TTC17: variants seen among roughly 807,000 people sequenced by gnomAD.
TTC17 encodes tetratricopeptide repeat domain 17, also known as tetratricopeptide repeat protein 17.
In TTC17, 58 loss-of-function variants were observed where a neutral mutation model predicts 143.8. That is an observed-to-expected ratio of 0.40 (90% CI 0.33 to 0.50). TTC17 has a LOEUF of 0.50. Ranked by LOEUF, TTC17 falls within the 20% of genes least tolerant of loss-of-function variation. The probability of loss-of-function intolerance (pLI) is 0.49; values close to 1 mark genes in which losing one functional copy is unlikely to be tolerated. For missense variants in TTC17, 1,273 were observed against 1,392.5 expected (o/e 0.91, Z 1.37); for synonymous variants, 501 against 497.8 (o/e 1.01, Z -0.09).
At chr11:43,446,103 A>G in intron 18 of TTC17, 1 of 1,455,236 alleles carries the variant, frequency 6.9e-7, no homozygotes, top group Non-Finnish European at 9.1e-7. Flanking sequence ...GTGGTGTACA[A>G]GACCCTTTAC....
In TTC17 at chr11:43,398,100, G is replaced by A; in HGVS notation, c.1045G>A (p.Glu349Lys). Residue 349 changes from glutamate (E) to lysine (K), a missense_variant, in exon 8 of 24, where the codon GAG becomes AAG. This residue lies in a region of TTC17 where 325 missense variants were observed against 444.2 expected (regional missense o/e 0.73). Coordinates refer to ENST00000039989, the MANE Select transcript of TTC17 (RefSeq NM_018259.6). ...TCAGCAAAAACTGGAGCAGAAATTG[G>A]AGGCTCAGCATAGGTAATTGAGAGG... ...LCQQKLEQKL[E>K]AQHRSLQRTL... 6.2e-7 allele frequency: 1 copy of A among 1,614,060 alleles called. No individual in the cohort carries two copies. Among genetic ancestry groups the A allele is most frequent in the Non-Finnish European group, 8.5e-7 (1 of 1,179,994 alleles).
intron 2 of TTC17, among the ~76,000 whole-genome samples, chr11:43,380,694 A>AC (rs1856934257): frequency 6.6e-6 from 1 of 152,252 alleles, no homozygotes; most frequent in African/African-American, 2.4e-5. Context: ...CTTTTAAAAA[A>AC]ATCTGTGAAT....
chr11:43,391,491 CT>C lies in TTC17; in HGVS notation c.447del (p.Pro150LeufsTer15). On this transcript the variant is annotated frameshift_variant, in exon 4 of 24. Coordinates refer to ENST00000039989, the MANE Select transcript of TTC17 (RefSeq NM_018259.6). LOFTEE classifies it high-confidence loss of function. The stretch of plus-strand genomic sequence containing the variant: ...CCTGAAGATTATATAGACACAGAAT[CT>C]CCTGTCCCTCCAGACCCAGAGCAAC... The part of the protein sequence containing the change: ...ISPEDYIDTE[S>X]PVPPDPEQPD... 1.2e-6 allele frequency: 2 copies of C among 1,606,482 alleles called. No homozygotes were observed. Among genetic ancestry groups the C allele is most frequent in the Non-Finnish European group, 1.7e-6 (2 of 1,176,476 alleles).
Position 43,492,124 on chromosome 11 carries a change from T to C in TTC17, c.3255T>C (p.Ala1085=), listed in dbSNP as rs1564988217. 5.0e-6 allele frequency: 8 copies of C among 1,614,116 alleles called. No homozygotes were observed. The highest frequency in any genetic ancestry group is 6.8e-6 in the Non-Finnish European group (8 of 1,179,988). Residue 1085 remains alanine (A), a synonymous_variant, in exon 23 of 24, where the codon GCT becomes GCC. Coordinates refer to ENST00000039989, the MANE Select transcript of TTC17 (RefSeq NM_018259.6). ...TMAVEIAPHF[A]VNHFTLGNVY... ...CAGTAGAGATCGCACCACACTTTGC[T>C]GTGAACCACTTCACTCTGGGCAATG...
At chr11:43,458,509 CAGAT>C (rs1363911272) in intron 21 of TTC17, among the ~76,000 whole-genome samples, 2 of 152,172 alleles carry the variant, frequency 1.3e-5, no homozygotes, top group Non-Finnish European at 2.9e-5. Context: ...TTCAAGGAAA[CAGAT>C]AGAACTTCAC....
intron 10 of TTC17, 81 bp from the exon 11 acceptor site, chr11:43,403,917 G>T: frequency 1.6e-6 from 2 of 1,240,362 alleles, no homozygotes; most frequent in East Asian, 2.6e-5. Context: ...ATATTCACTC[G>T]CTTTTTTGGT....
At chr11:43,400,200 AC>A in intron 9 of TTC17, 152 bp downstream of exon 9, 1 of 873,442 alleles carries the variant, frequency 1.1e-6, no homozygotes, top group Non-Finnish European at 1.7e-6. Flanking sequence ...CTGTGGGTAT[AC>A]CAGGAGGCCT....
intron 21 of TTC17, among the ~76,000 whole-genome samples, chr11:43,478,663 A>G (rs934537140): frequency 6.6e-6 from 1 of 152,160 alleles, no homozygotes; most frequent in Non-Finnish European, 1.5e-5. Flanking sequence ...GCGAGAGTGC[A>G]GTGACACAGT....
chr11:43,407,031 T>G, intron 13 of TTC17, 107 bp from the exon 14 acceptor site: 1 of 712,588 alleles, frequency 1.4e-6, no homozygotes, highest in Non-Finnish European at 2.3e-6. Context: ...TTTGTTCAAA[T>G]TAGCTGTTCC....
At chr11:43,466,861 G>C in intron 21 of TTC17, 1 of 258,286 alleles carries the variant, frequency 3.9e-6, no homozygotes, top group South Asian at 4.6e-5. Context: ...ATTGCCAACT[G>C]CAGACAACTC....
At chr11:43,402,869 A>G (rs971686382) in intron 10 of TTC17, among the ~76,000 whole-genome samples, 1 of 152,180 alleles carries the variant, frequency 6.6e-6, no homozygotes, top group African/African-American at 2.4e-5. Flanking sequence ...TAAGATAACT[A>G]AGAGATTAGG....
chr11:43,422,165 A>G (rs886871501), intron 16 of TTC17, among the ~76,000 whole-genome samples: 1 of 152,166 alleles, frequency 6.6e-6, no homozygotes, highest in African/African-American at 2.4e-5. Flanking sequence ...CACTCCTAGA[A>G]AGGGATATGG....
At chr11:43,397,903 T>C (rs1341582142) in intron 7 of TTC17, 71 bp from the exon 8 acceptor site, 2 of 49,264 alleles carry the variant, frequency 4.1e-5, no homozygotes, top group Non-Finnish European at 5.2e-5. Flanking sequence ...TTTTTTTCCG[T>C]GTGTGTGTGT....
chr11:43,391,001 A>G (rs2134527329), intron 3 of TTC17, among the ~76,000 whole-genome samples: 1 of 152,316 alleles, frequency 6.6e-6, no homozygotes, highest in South Asian at 2.1e-4. Flanking sequence ...AAACTCCCAA[A>G]ATGTTTGACT....
intron 16 of TTC17, among the ~76,000 whole-genome samples, chr11:43,436,006 T>A (rs1174386551): frequency 1.3e-5 from 2 of 152,224 alleles, no homozygotes; most frequent in Non-Finnish European, 1.5e-5. Context: ...AGTAATGATC[T>A]GGCTTTGGGT....
In TTC17 at chr11:43,478,867, A is replaced by G. The variant is rs190175362; in HGVS notation, c.3031-11372A>G. Among the ~76,000 whole-genome samples, 39 of 152,304 alleles carry G rather than the reference A, an allele frequency of 2.6e-4. No homozygotes were observed. The East Asian group carries it at 6.7e-3, about 26-fold the overall frequency. On this transcript the variant is annotated intron_variant, in intron 21 of 23. Coordinates refer to ENST00000039989, the MANE Select transcript of TTC17 (RefSeq NM_018259.6). ...GGTCTCAAACTCCTGGCCTCAAGCA[A>G]TCCTCCCACCTTGGCTTCCCAAATT... is the stretch of plus-strand genomic sequence containing the variant.
At chr11:43,393,441 T>A (rs1857464605) in intron 5 of TTC17, among the ~76,000 whole-genome samples, 1 of 152,142 alleles carries the variant, frequency 6.6e-6, no homozygotes, top group African/African-American at 2.4e-5. Flanking sequence ...AGAGCTTCCA[T>A]GTCCTCTCCA....
chr11:43,428,193 C>T (rs530394672), intron 16 of TTC17, among the ~76,000 whole-genome samples: 116 of 152,224 alleles, frequency 7.6e-4, no homozygotes, highest in African/African-American at 2.7e-3. Context: ...TCTCGACCCT[C>T]ATTGAAAACT....
At chr11:43,405,400 CTT>C in intron 11 of TTC17, 112 bp from the exon 12 acceptor site, 1 of 788,254 alleles carries the variant, frequency 1.3e-6, no homozygotes, top group Non-Finnish European at 2.1e-6. Flanking sequence ...CTACCATAAT[CTT>C]AAGATATTAT....
Sources: allele counts gnomAD v4.1 joint callset (sites outside exome capture counted in the v4.1 genomes callset), GRCh38; gene constraint gnomAD v4.1.1; regional missense constraint gnomAD v4.1.1; transcripts MANE v1.5; gene names NCBI Gene and HGNC (gene_info 2026-07-23, HGNC 2026-07-21).